Variants in FAR2 observed in about 807,000 individuals in gnomAD.
FAR2 encodes fatty acyl-CoA reductase 2.
A neutral mutation model predicts 56.0 loss-of-function variants in FAR2; 19 were observed. The ratio of observed to expected loss-of-function variants is 0.34; its 90% confidence interval spans 0.24 to 0.50. The LOEUF (loss-of-function observed/expected upper bound fraction) is 0.50. Among genes scored for constraint, FAR2 ranks in the 20% least tolerant of loss-of-function variants. The probability of loss-of-function intolerance (pLI) is 0.98; values close to 1 mark genes in which losing one functional copy is unlikely to be tolerated. For synonymous variants in FAR2, 219 were observed against 218.8 expected (o/e 1.00, Z -0.01); for missense variants, 508 against 642.2 (o/e 0.79, Z 2.26).
chr12:29,152,006 T>A (rs1232327586), intron 1 of FAR2: 2 of 152,238 alleles, frequency 1.3e-5, no homozygotes, highest in African/African-American at 4.8e-5. Flanking sequence ...AGAACCTTTC[T>A]GACCCTTATA....
At chr12:29,251,523 G>T (rs1411969296) in intron 1 of FAR2, among the ~76,000 whole-genome samples, 1 of 152,106 alleles carries the variant, frequency 6.6e-6, no homozygotes, top group East Asian at 1.9e-4. Context: ...TTTTAGTTTA[G>T]ATCTGTCTCA....
intron 1 of FAR2, among the ~76,000 whole-genome samples, chr12:29,259,838 C>G (rs1025969031): frequency 1.3e-5 from 2 of 152,112 alleles, no homozygotes; most frequent in Non-Finnish European, 2.9e-5. Flanking sequence ...CGATACCATA[C>G]ATTATATAGG....
chr12:29,321,968 T>A (rs776768458), intron 10 of FAR2, 44 bp downstream of exon 10: 1 of 1,568,238 alleles, frequency 6.4e-7, no homozygotes, highest in Non-Finnish European at 8.6e-7. Flanking sequence ...TGCTACTCAC[T>A]TGGAATTTAG....
At chr12:29,327,643 A>G (rs1389884853) in intron 10 of FAR2, among the ~76,000 whole-genome samples, 1 of 152,238 alleles carries the variant, frequency 6.6e-6, no homozygotes, top group African/African-American at 2.4e-5. Flanking sequence ...GACAAAAACA[A>G]GAAATGGGGA....
chr12:29,163,169 C>T (rs917543320), intron 1 of FAR2, among the ~76,000 whole-genome samples: 5 of 152,346 alleles, frequency 3.3e-5, no homozygotes, highest in African/African-American at 1.2e-4. Flanking sequence ...GAATGGAGGA[C>T]ATAGCCTCTA....
chr12:29,161,007 A>G (rs1186498227), intron 1 of FAR2, among the ~76,000 whole-genome samples: 2 of 152,230 alleles, frequency 1.3e-5, no homozygotes, highest in Admixed American at 1.3e-4. Context: ...AGATGAAACT[A>G]TCTGCAAACC....
At chr12:29,152,355 A>G (rs1179349149) in intron 1 of FAR2, among the ~76,000 whole-genome samples, 2 of 152,232 alleles carry the variant, frequency 1.3e-5, no homozygotes, top group African/African-American at 4.8e-5. Flanking sequence ...CTCTTGCCAA[A>G]TACACCTAGT....
intron 1 of FAR2, among the ~76,000 whole-genome samples, chr12:29,174,339 G>A (rs537392334): frequency 2.0e-5 from 3 of 151,876 alleles, no homozygotes; most frequent in African/African-American, 7.2e-5. Flanking sequence ...CCTAAAGAAG[G>A]GAATGGAGTC....
At chr12:29,319,657 G>A (rs971828495) in intron 9 of FAR2, among the ~76,000 whole-genome samples, 21 of 152,142 alleles carry the variant, frequency 1.4e-4, no homozygotes, top group Non-Finnish European at 3.1e-4. Flanking sequence ...CATGGAGTTT[G>A]GAGTCAGGCT....
intron 10 of FAR2, among the ~76,000 whole-genome samples, chr12:29,330,000 T>C (rs1591977461): frequency 1.3e-5 from 2 of 152,198 alleles, no homozygotes; most frequent in East Asian, 1.9e-4. Flanking sequence ...ATAGGACTCG[T>C]TGTTCAAAAG....
intron 2 of FAR2, among the ~76,000 whole-genome samples, chr12:29,274,920 G>C (rs1218997492): frequency 6.6e-6 from 1 of 150,488 alleles, no homozygotes. Context: ...CTCACACAAA[G>C]CCTGTTTGGT....
intron 8 of FAR2, among the ~76,000 whole-genome samples, chr12:29,315,055 A>G (rs1403179782): frequency 1.3e-5 from 2 of 152,174 alleles, no homozygotes; most frequent in African/African-American, 2.4e-5. Context: ...AAGGAGAAAT[A>G]TACATCAGAT....
intron 9 of FAR2, chr12:29,317,768 G>A (rs1949478148): frequency 6.6e-6 from 1 of 152,606 alleles, no homozygotes; most frequent in African/African-American, 2.4e-5. Context: ...CATTTTCATT[G>A]TCACAGCTAC....
At chr12:29,254,854 G>A (rs1048722777) in intron 1 of FAR2, among the ~76,000 whole-genome samples, 1 of 151,640 alleles carries the variant, frequency 6.6e-6, no homozygotes, top group South Asian at 2.1e-4. Context: ...TTGGGAGGCT[G>A]AGGCATGAGA....
At chr12:29,319,833 A>C (rs1329189405) in intron 9 of FAR2, among the ~76,000 whole-genome samples, 1 of 152,212 alleles carries the variant, frequency 6.6e-6, no homozygotes, top group African/African-American at 2.4e-5. Context: ...ATTAATACTA[A>C]AGATGTTTAA....
chr12:29,267,490 T>C (rs1288727835), intron 1 of FAR2, among the ~76,000 whole-genome samples: 1 of 152,180 alleles, frequency 6.6e-6, no homozygotes, highest in Admixed American at 6.6e-5. Context: ...AGAACTGGGA[T>C]TTTACTTCAA....
chr12:29,328,912 A>G (rs1463960878), intron 10 of FAR2, among the ~76,000 whole-genome samples: 2 of 152,086 alleles, frequency 1.3e-5, no homozygotes, highest in African/African-American at 4.8e-5. Flanking sequence ...AAAAAAGAAA[A>G]AAAAACAATA....
At position 29,311,937 on chromosome 12, in the gene FAR2, T is replaced by C. The variant is rs147084199; in HGVS notation, c.942T>C (p.Asn314=). 2.1e-4 allele frequency: 340 copies of C among 1,610,746 alleles called. 2 individuals carry two copies. In the African/African-American group the frequency reaches 3.6e-3, roughly 17 times the overall value. ...HITSGNMNPC[N]WHKMGVQVLA... ...CATCTGGTAACATGAATCCCTGCAA[T>C]TGGCACAAAATGGGTAAGTACTTTA... Residue 314 remains asparagine, a synonymous_variant, in exon 8 of 12, where the codon AAT becomes AAC. Transcript: ENST00000536681.
chr12:29,291,296 G>A (rs1948962224), intron 2 of FAR2: 2 of 435,446 alleles, frequency 4.6e-6, no homozygotes, highest in African/African-American at 4.1e-5. Context: ...AGATCCACCT[G>A]CAGAGGCGGT....
Sources: allele counts gnomAD v4.1 joint callset (sites outside exome capture counted in the v4.1 genomes callset), GRCh38; gene constraint gnomAD v4.1.1; transcripts MANE v1.5; gene names NCBI Gene and HGNC (gene_info 2026-07-23, HGNC 2026-07-21).